DTNB: variants seen among roughly 807,000 people sequenced by gnomAD.
DTNB encodes DTN-B.
Under a neutral mutation model 90.7 loss-of-function variants are expected in DTNB, and 63 were observed. That is an observed-to-expected ratio of 0.69 (90% CI 0.57 to 0.86). The LOEUF (loss-of-function observed/expected upper bound fraction) is 0.86, where lower values mean the gene tolerates loss of function less well. DTNB is among the 40% of genes least tolerant of loss of function. The pLI is 0.00. For missense variants in DTNB, 744 were observed against 807.1 expected (o/e 0.92, Z 0.95); for synonymous variants, 277 against 286.7 (o/e 0.97, Z 0.34).
chr2:25,449,182 C>T (rs564830578), intron 12 of DTNB, among the ~76,000 whole-genome samples: 85 of 152,198 alleles, frequency 5.6e-4, no homozygotes, highest in African/African-American at 2.0e-3. Context: ...AATGTTATTC[C>T]TTTTTGTGTT....
At chr2:25,590,195 G>A (rs1049311240) in intron 6 of DTNB, among the ~76,000 whole-genome samples, 1 of 152,226 alleles carries the variant, frequency 6.6e-6, no homozygotes, top group Non-Finnish European at 1.5e-5. Flanking sequence ...CCCCAGAGGG[G>A]TACAGCTCTT....
chr2:25,487,377 G>A (rs1028631114), intron 9 of DTNB, among the ~76,000 whole-genome samples: 5 of 152,252 alleles, frequency 3.3e-5, no homozygotes, highest in Non-Finnish European at 7.3e-5. Flanking sequence ...GACGTGATGT[G>A]TAGGCATTGT....
At chr2:25,593,582 T>C (rs116384576) in intron 6 of DTNB, among the ~76,000 whole-genome samples, 2,334 of 152,266 alleles carry the variant, frequency 0.015, 47 homozygotes, top group African/African-American at 0.053. Context: ...AAAATGCAGA[T>C]TGATTTTTTT....
chr2:25,529,491 G>T (rs984505309), intron 9 of DTNB, among the ~76,000 whole-genome samples: 8 of 151,846 alleles, frequency 5.3e-5, no homozygotes, highest in East Asian at 1.9e-4. Flanking sequence ...AGGGAAAAAG[G>T]TTAACAGATT....
rs558558869 is a variant in DTNB at position 25,578,640 on chromosome 2, G to GA, written c.710-1637dup. On this transcript the variant is annotated intron_variant, in intron 7 of 20. Coordinates refer to ENST00000406818, the MANE Select transcript of DTNB (RefSeq NM_021907.5). ...TGGAAAAGCAGAGAACCAGAATGATGAAAAAATTAACAAGTGTGTTGGGTC... is the reference window on the plus strand; with the variant it reads ...TGGAAAAGCAGAGAACCAGAATGATGAAAAAAATTAACAAGTGTGTTGGGTC... Among the ~76,000 whole-genome samples, 3 of 152,240 alleles carry GA rather than the reference G, an allele frequency of 2.0e-5. No homozygotes were observed. The South Asian group carries it at 6.2e-4, about 32-fold the overall frequency.
intron 7 of DTNB, among the ~76,000 whole-genome samples, chr2:25,578,110 G>A (rs2060987132): frequency 6.6e-6 from 1 of 152,076 alleles, no homozygotes; most frequent in African/African-American, 2.4e-5. Flanking sequence ...TTCAATTATA[G>A]GGACTTCTAG....
At chr2:25,666,150 ATG>A (rs2084386026) in intron 1 of DTNB, among the ~76,000 whole-genome samples, 1 of 152,248 alleles carries the variant, frequency 6.6e-6, no homozygotes, top group South Asian at 2.1e-4. Flanking sequence ...CAAGTTTAAA[ATG>A]TGTTTTCTTT....
At chr2:25,539,762 TTC>T (rs1204216460) in intron 8 of DTNB, among the ~76,000 whole-genome samples, 1 of 152,100 alleles carries the variant, frequency 6.6e-6, no homozygotes, top group Non-Finnish European at 1.5e-5. Context: ...TTATATTCTG[TTC>T]TTTTTGTACC....
At chr2:25,575,731 A>G in intron 8 of DTNB, among the ~76,000 whole-genome samples, 1 of 152,218 alleles carries the variant, frequency 6.6e-6, no homozygotes, top group East Asian at 1.9e-4. Context: ...TAACCAGGCT[A>G]AAGAACCTAG....
intron 16 of DTNB, among the ~76,000 whole-genome samples, chr2:25,394,847 G>A (rs988497086): frequency 6.6e-6 from 1 of 152,216 alleles, no homozygotes; most frequent in Non-Finnish European, 1.5e-5. Flanking sequence ...ACTAAAAGTA[G>A]ATCTACTGTT....
intron 10 of DTNB, among the ~76,000 whole-genome samples, chr2:25,472,422 A>G (rs996643150): frequency 3.3e-4 from 50 of 152,294 alleles, no homozygotes; most frequent in Middle Eastern, 3.4e-3. Context: ...GCTTCTGAGT[A>G]TGGATGCTGA....
At chr2:25,639,251 G>T in intron 2 of DTNB, 157 bp from the exon 3 acceptor site, 1 of 589,436 alleles carries the variant, frequency 1.7e-6, no homozygotes, top group Non-Finnish European at 2.8e-6. Flanking sequence ...GGGAGAAAAG[G>T]ATAGGAAACA....
At chr2:25,433,773 C>A in intron 13 of DTNB, 137 bp downstream of exon 13, 1 of 880,638 alleles carries the variant, frequency 1.1e-6, no homozygotes. Flanking sequence ...ATTCCCTGGA[C>A]TTGGGCTAGC....
intron 12 of DTNB, among the ~76,000 whole-genome samples, chr2:25,445,792 C>T (rs867360251): frequency 1.6e-4 from 25 of 152,244 alleles, no homozygotes; most frequent in African/African-American, 5.5e-4. Flanking sequence ...CCATCTCACT[C>T]TTTGCATCTA....
chr2:25,668,161 T>C (rs1210486199), intron 1 of DTNB, among the ~76,000 whole-genome samples: 2 of 151,720 alleles, frequency 1.3e-5, no homozygotes, highest in Non-Finnish European at 2.9e-5. Context: ...ATGGTGTGAA[T>C]CCGGGAGGCA....
At chr2:25,524,728 G>T (rs1196412133) in intron 9 of DTNB, among the ~76,000 whole-genome samples, 1 of 152,122 alleles carries the variant, frequency 6.6e-6, no homozygotes, top group Non-Finnish European at 1.5e-5. Context: ...AGGAGGGCTC[G>T]TGTGAAGATG....
chr2:25,667,034 T>C (rs1213000939), intron 1 of DTNB, among the ~76,000 whole-genome samples: 2 of 151,922 alleles, frequency 1.3e-5, no homozygotes, highest in Non-Finnish European at 2.9e-5. Context: ...GGCAGGACCC[T>C]TGACCCACAA....
chr2:25,498,908 A>G (rs912849298), intron 9 of DTNB, among the ~76,000 whole-genome samples: 3 of 151,358 alleles, frequency 2.0e-5, no homozygotes, highest in Non-Finnish European at 4.4e-5. Flanking sequence ...TTGAAATACC[A>G]TAATTTTATA....
chr2:25,439,153 T>C lies in DTNB; in HGVS notation c.1258-5158A>G, dbSNP rs150796532. On this transcript the variant is annotated intron_variant, in intron 12 of 20. Transcript: ENST00000406818. ...GTATGGACTTTAGTTAATAATAATG[T>C]ATCAATATTGCTTCACTAATTGCAA... 2.0e-5 allele frequency among the ~76,000 whole-genome samples: 3 copies of C among 152,318 alleles called. No homozygotes were observed. In the East Asian group the frequency reaches 5.8e-4, roughly 29 times the overall value.
Sources: allele counts gnomAD v4.1 joint callset (sites outside exome capture counted in the v4.1 genomes callset), GRCh38; gene constraint gnomAD v4.1.1; transcripts MANE v1.5; gene names NCBI Gene and HGNC (gene_info 2026-07-23, HGNC 2026-07-21).